The following ITPRID1 variants were observed in gnomAD, a reference collection of about 807,000 sequenced individuals.
ITPRID1 encodes the protein ITPR interacting domain containing 1.
ITPRID1 carries 96 observed loss-of-function variants against 95.4 expected under a neutral mutation model. The ratio of observed to expected loss-of-function variants is 1.01; its 90% CI spans 0.85 to 1.19. The LOEUF (loss-of-function observed/expected upper bound fraction) is 1.19, where lower values mean the gene tolerates loss of function less well. ITPRID1 is among the 50% of genes most tolerant of loss of function. ITPRID1 has a pLI of 0.00. For missense variants in ITPRID1, 1,339 were observed against 1,252.9 expected, an observed-to-expected ratio of 1.07 and a Z score of -1.04; for synonymous variants, 510 against 453.6, an observed-to-expected ratio of 1.12 and a Z score of -1.58.
At chr7:31,621,845 T>C (rs1290422111) in intron 10 of ITPRID1, among the ~76,000 whole-genome samples, 147 of 151,830 alleles carry the variant, frequency 9.7e-4, no homozygotes, top group African/African-American at 3.0e-3. Flanking sequence ...CATCAGTGTG[T>C]TGTATTCAGG....
In ITPRID1 at chr7:31,547,808, A is replaced by T. The variant is rs28395297; in HGVS notation, c.-97-1618A>T. Among the ~76,000 whole-genome samples, 8 of 152,296 alleles carry T rather than the reference A, an allele frequency of 5.3e-5. No individual in the cohort carries two copies. The South Asian group carries it at 1.2e-3, about 24-fold the overall frequency. On this transcript the variant is annotated intron_variant, in intron 1 of 14. Coordinates refer to ENST00000615280, the MANE Select transcript of ITPRID1 (RefSeq NM_001257967.3). ...TATGGGAGGGTAAAGAAGTCCAGGC[A>T]AGAATAAAGAATTCAGTGTGGCACA...
intron 10 of ITPRID1, among the ~76,000 whole-genome samples, chr7:31,627,658 T>TAAAAAAAAA (rs1788590965): frequency 1.4e-4 from 1 of 7,376 alleles, no homozygotes; most frequent in African/African-American, 3.9e-4. Context: ...AGACACTGTC[T>TAAAAAAAAA]CAAAAAAAAA....
At chr7:31,582,622 G>A (rs926048446) in intron 9 of ITPRID1, among the ~76,000 whole-genome samples, 18 of 151,894 alleles carry the variant, frequency 1.2e-4, no homozygotes, top group African/African-American at 4.4e-4. Flanking sequence ...GAAGTAATAT[G>A]CATTATTTTG....
chr7:31,644,175 T>C (rs1189016333), intron 12 of ITPRID1, among the ~76,000 whole-genome samples: 1 of 152,232 alleles, frequency 6.6e-6, no homozygotes, highest in African/African-American at 2.4e-5. Flanking sequence ...GCAAAGCAAA[T>C]TTTATCATTA....
intron 5 of ITPRID1, chr7:31,555,166 C>A: frequency 3.1e-6 from 1 of 321,854 alleles, no homozygotes; most frequent in Admixed American, 4.5e-5. Flanking sequence ...TCACTGGGTT[C>A]TATGAAGACA....
chr7:31,574,057 G>A lies in ITPRID1; in HGVS notation c.396-483G>A, dbSNP rs116675703. 1.4e-3 allele frequency among the ~76,000 whole-genome samples: 220 copies of A among 152,114 alleles called. 1 individual carries two copies. Among genetic ancestry groups the A allele is most frequent in the Middle Eastern group, 6.8e-3 (2 of 294 alleles). On this transcript the variant is annotated intron_variant, in intron 7 of 14. Transcript: ENST00000615280. ...GTCATTATTTGTAAACATCAGTCCT[G>A]GTAGTCTGCATTTAATGATGTCCTG...
intron 10 of ITPRID1, among the ~76,000 whole-genome samples, chr7:31,589,673 G>C (rs571195669): frequency 3.9e-5 from 6 of 152,202 alleles, no homozygotes; most frequent in African/African-American, 1.4e-4. Flanking sequence ...CAACAGAGAC[G>C]AGAAGACAGT....
Position 31,656,462 on chromosome 7 carries a change from T to C in ITPRID1, c.*3633T>C. ...AGTGTTCAATGCATGTTGGCTATTA[T>C]TACAAGTGCACATACCAAGAACTCA... On this transcript the variant is annotated 3_prime_UTR_variant, in exon 15 of 15. Transcript: ENST00000615280. 4 of 974,702 alleles carry C rather than the reference T, an allele frequency of 4.1e-6. No homozygotes were observed. Among genetic ancestry groups the C allele is most frequent in the Non-Finnish European group, 4.9e-6 (4 of 820,154 alleles). The allele number at this position is 974,702 out of a possible 1,614,324, so 60.4% of individuals were successfully genotyped here.
At chr7:31,547,241 T>C (rs957852142) in intron 1 of ITPRID1, among the ~76,000 whole-genome samples, 1 of 152,204 alleles carries the variant, frequency 6.6e-6, no homozygotes, top group Non-Finnish European at 1.5e-5. Flanking sequence ...TGGAGATGGT[T>C]GGTCTGAGAT....
At chr7:31,596,851 CAT>C (rs139017678) in intron 10 of ITPRID1, among the ~76,000 whole-genome samples, 7 of 151,614 alleles carry the variant, frequency 4.6e-5, no homozygotes, top group Non-Finnish European at 1.0e-4. Flanking sequence ...AAATTGAAAA[CAT>C]ATATTTAAAA....
At chr7:31,555,515 A>G (rs1784417557) in intron 5 of ITPRID1, among the ~76,000 whole-genome samples, 1 of 149,050 alleles carries the variant, frequency 6.7e-6, no homozygotes, top group Non-Finnish European at 1.5e-5. Flanking sequence ...TTCAATTATA[A>G]AATGCATTCA....
chr7:31,616,104 T>C (rs2128168320), intron 10 of ITPRID1, among the ~76,000 whole-genome samples: 1 of 152,300 alleles, frequency 6.6e-6, no homozygotes, highest in South Asian at 2.1e-4. Flanking sequence ...TGCAATGCTA[T>C]GACAATGTTG....
At chr7:31,585,271 A>G (rs1785546866) in intron 10 of ITPRID1, among the ~76,000 whole-genome samples, 1 of 152,130 alleles carries the variant, frequency 6.6e-6, no homozygotes, top group Admixed American at 6.5e-5. Flanking sequence ...TTCGTTAAAA[A>G]CCAGTAGTAA....
rs1274220129 is a variant in ITPRID1, at chr7:31,519,614, CTCTCTCTATATATATATA to C, written c.-98+5496_-98+5513del. ...TCTCTCTCTCTCTCTCTCTCTCTCTCTCTCTCTATATATATATATATATATATATATAAATCTTATGTT... is the reference window on the plus strand; with the variant it reads ...TCTCTCTCTCTCTCTCTCTCTCTCTCTATATATATATATAAATCTTATGTT... On this transcript the variant is annotated intron_variant, in intron 1 of 14. Transcript: ENST00000615280. Among the ~76,000 whole-genome samples the C allele has an allele frequency of 5.2e-3, 226 of 43,156 alleles. 1 individual carries two copies. The highest frequency in any genetic ancestry group is 0.022 in the Middle Eastern group (2 of 90). 28.3% of individuals were successfully genotyped at this position (43,156 alleles called of 152,430 possible). A position where few individuals can be genotyped will look rare whatever the true frequency, so the allele number is the denominator to read the frequency against.
intron 5 of ITPRID1, among the ~76,000 whole-genome samples, chr7:31,562,043 TTA>T (rs1491519127): frequency 1.1e-4 from 11 of 96,670 alleles, no homozygotes; most frequent in African/African-American, 4.2e-4. Flanking sequence ...AGCTATGTAT[TTA>T]AAAAAAAAAA....
downstream of ITPRID1, chr7:31,658,514 G>A (rs1791395260): frequency 1.2e-6 from 1 of 853,706 alleles, no homozygotes; most frequent in Non-Finnish European, 1.6e-6. Flanking sequence ...AAAAGTTTTA[G>A]AGTGTTTTCA....
chr7:31,547,818 A>G (rs1019433004), intron 1 of ITPRID1, among the ~76,000 whole-genome samples: 3 of 152,138 alleles, frequency 2.0e-5, no homozygotes, highest in Non-Finnish European at 4.4e-5. Flanking sequence ...AAGAATAAAG[A>G]ATTCAGTGTG....
chr7:31,635,441 A>T (rs1789393434), intron 10 of ITPRID1, among the ~76,000 whole-genome samples: 1 of 152,224 alleles, frequency 6.6e-6, no homozygotes, highest in South Asian at 2.1e-4. Context: ...ACTATGCCCA[A>T]TTCCACCATT....
intron 10 of ITPRID1, among the ~76,000 whole-genome samples, chr7:31,614,152 T>C (rs1280170757): frequency 6.6e-6 from 1 of 152,174 alleles, no homozygotes; most frequent in African/African-American, 2.4e-5. Flanking sequence ...GAGTCTTAGA[T>C]TGTCATTTAG....
Sources: allele counts gnomAD v4.1 joint callset (sites outside exome capture counted in the v4.1 genomes callset), GRCh38; gene constraint gnomAD v4.1.1; transcripts MANE v1.5; gene names NCBI Gene and HGNC (gene_info 2026-07-23, HGNC 2026-07-21).